The following LAMC3 variants were observed in gnomAD, a reference collection of about 807,000 sequenced individuals.
LAMC3 encodes the protein laminin subunit gamma 3, also known as laminin subunit gamma-3.
LAMC3 carries 128 observed loss-of-function variants against 173.8 expected under a neutral mutation model. The ratio of observed to expected loss-of-function variants is 0.74; its 90% CI spans 0.64 to 0.85. The LOEUF is 0.85. Among genes scored for constraint, LAMC3 ranks in the 40% least tolerant of loss-of-function variants. The pLI is 0.00. For missense variants in LAMC3, 2,022 were observed against 2,156.0 expected (o/e 0.94, Z 1.23); for synonymous variants, 897 against 909.1 (o/e 0.99, Z 0.24).
intron 11 of LAMC3, among the ~76,000 whole-genome samples, chr9:131,054,843 C>A (rs1208686292): frequency 7.7e-6 from 1 of 130,688 alleles, no homozygotes; most frequent in South Asian, 2.4e-4. Context: ...AGGGAGGGAG[C>A]AAGGGAGGGA....
In LAMC3 at chr9:131,032,111, T is replaced by C; in HGVS notation, c.745T>C (p.Phe249Leu). The C allele has an allele frequency of 6.2e-7, 1 of 1,613,990 alleles. No homozygotes were observed. Among genetic ancestry groups the C allele is most frequent in the Non-Finnish European group, 8.5e-7 (1 of 1,179,978 alleles). Reference sequence around the variant, plus strand: ...GCTCAACACGTTTGGGGACGACATCTTCAAGGACCCCAAGGTGCTCCAGTC... The same window carrying C: ...GCTCAACACGTTTGGGGACGACATCCTCAAGGACCCCAAGGTGCTCCAGTC... ...DRLNTFGDDI[F>L]KDPKVLQSYY... Residue 249 changes from phenylalanine (F) to leucine (L), a missense_variant, in exon 3 of 28, where the codon TTC becomes CTC. Physicochemically the swap from Phe to Leu is conservative, Grantham distance 22. Coordinates refer to ENST00000361069, the MANE Select transcript of LAMC3 (RefSeq NM_006059.4).
chr9:131,011,770 A>G (rs573201309), intron 1 of LAMC3, among the ~76,000 whole-genome samples: 2 of 152,240 alleles, frequency 1.3e-5, no homozygotes, highest in South Asian at 2.1e-4. Flanking sequence ...GGGGAGACAC[A>G]GTGCTCCATG....
At chr9:131,089,732 C>T (rs1283418753) in intron 27 of LAMC3, among the ~76,000 whole-genome samples, 2 of 152,112 alleles carry the variant, frequency 1.3e-5, no homozygotes, top group African/African-American at 4.8e-5. Flanking sequence ...AGCAGAAAGT[C>T]ATCAAGATTC....
At position 131,090,365 on chromosome 9, in the gene LAMC3, C is replaced by G. The variant is rs997105955; in HGVS notation, c.4478-1172C>G. Among the ~76,000 whole-genome samples the G allele has an allele frequency of 5.7e-4, 87 of 152,216 alleles. 2 individuals are homozygous for G. The highest frequency in any genetic ancestry group is 4.5e-3 in the Admixed American group (68 of 15,278). On this transcript the variant is annotated intron_variant, in intron 27 of 27. Coordinates refer to ENST00000361069, the MANE Select transcript of LAMC3 (RefSeq NM_006059.4). ...TGGCCCCTTCTCCAGGAGCCCTAGGCAGCCTGGGCAGGTAGAGTGGGGGCT... is the reference window on the plus strand; with the variant it reads ...TGGCCCCTTCTCCAGGAGCCCTAGGGAGCCTGGGCAGGTAGAGTGGGGGCT...
intron 9 of LAMC3, among the ~76,000 whole-genome samples, chr9:131,051,761 C>T (rs1834290250): frequency 6.6e-6 from 1 of 151,824 alleles, no homozygotes; most frequent in Non-Finnish European, 1.5e-5. Flanking sequence ...ACCAACATGG[C>T]ACACCTCTGT....
chr9:131,036,410 C>T lies in LAMC3; in HGVS notation c.976+78C>T, dbSNP rs185733247. 1,374 of 1,541,402 alleles carry T rather than the reference C, an allele frequency of 8.9e-4. 3 individuals are homozygous for T. The highest frequency in any genetic ancestry group is 3.1e-3 in the Admixed American group (175 of 57,194). On this transcript the variant is annotated intron_variant, in intron 4 of 27. Coordinates refer to ENST00000361069, the MANE Select transcript of LAMC3 (RefSeq NM_006059.4). ...CGGGGAAAGGAACTCCCCAAAACGT[C>T]GTGGTGGGGGCTGCTCCTGGGTACG...
At position 131,082,118 on chromosome 9, in the gene LAMC3, A is replaced by G; in HGVS notation, c.3987A>G (p.Thr1329=). The G allele has an allele frequency of 6.2e-7, 1 of 1,613,944 alleles. No individual in the cohort carries two copies. Among genetic ancestry groups the G allele is most frequent in the Non-Finnish European group, 8.5e-7 (1 of 1,179,956 alleles). Residue 1329 remains threonine (T), a synonymous_variant, in exon 24 of 28, where the codon ACA becomes ACG. Transcript: ENST00000361069. ...TQASSSVQAA[T]VTVMGARTLL... ...CTTCCTCATCTGTCCAGGCTGCGAC[A>G]GTGACTGTCATGGGAGCCAGGACTC...
chr9:131,021,485 T>A (rs1833624516), intron 1 of LAMC3, among the ~76,000 whole-genome samples: 1 of 152,110 alleles, frequency 6.6e-6, no homozygotes, highest in Non-Finnish European at 1.5e-5. Context: ...TATATATAAC[T>A]GTGTAGGGAA....
intron 8 of LAMC3, among the ~76,000 whole-genome samples, chr9:131,046,663 T>C (rs1042248762): frequency 1.3e-5 from 2 of 151,524 alleles, no homozygotes; most frequent in East Asian, 1.9e-4. Context: ...CCAGCTGTTT[T>C]GCCCTTAACC....
chr9:131,016,139 A>G (rs1833516433), intron 1 of LAMC3, among the ~76,000 whole-genome samples: 1 of 152,226 alleles, frequency 6.6e-6, no homozygotes, highest in African/African-American at 2.4e-5. Context: ...AAGGGAAAGA[A>G]GCCAGCCAAA....
chr9:131,066,440 G>A (rs1398189420), intron 13 of LAMC3, among the ~76,000 whole-genome samples: 2 of 151,898 alleles, frequency 1.3e-5, no homozygotes, highest in African/African-American at 4.8e-5. Flanking sequence ...GCAGTGAGCC[G>A]AGATCGTACC....
intron 1 of LAMC3, among the ~76,000 whole-genome samples, chr9:131,017,891 T>C (rs1833553675): frequency 6.6e-6 from 1 of 151,610 alleles, no homozygotes; most frequent in African/African-American, 2.4e-5. Flanking sequence ...CCAGGTGTGG[T>C]GGCGTGTGCC....
Position 131,009,435 on chromosome 9 carries a change from G to A in LAMC3, c.221G>A (p.Cys74Tyr), listed in dbSNP as rs1030262551. ...HVGAAGAGAH[C>Y]QRCDAADPQR... ...GGCGCCGCGGGCGCGGGGGCTCATT[G>A]CCAGCGCTGCGACGCCGCCGACCCC... The change falls in exon 1 of 28, where the codon TGC becomes TAC. Residue 74 changes from cysteine to tyrosine, a missense_variant. Coordinates refer to ENST00000361069, the MANE Select transcript of LAMC3 (RefSeq NM_006059.4). The surrounding 1 kb of genome is among the most constrained non-coding windows in gnomAD (Gnocchi z 4.3). 8 of 1,544,520 alleles carry A rather than the reference G, an allele frequency of 5.2e-6. No individual in the cohort carries two copies. The highest frequency in any genetic ancestry group is 7.0e-6 in the Non-Finnish European group (8 of 1,145,912).
intron 7 of LAMC3, among the ~76,000 whole-genome samples, chr9:131,045,212 ACT>A (rs2133266732): frequency 1.0e-5 from 1 of 95,278 alleles, no homozygotes; most frequent in South Asian, 4.5e-4. Context: ...ACAGAACAAG[ACT>A]CTGTCTCAAA....
At chr9:131,075,652 G>A (rs1318908652) in intron 20 of LAMC3, among the ~76,000 whole-genome samples, 179 bp from the exon 21 acceptor site, 1 of 152,062 alleles carries the variant, frequency 6.6e-6, no homozygotes, top group East Asian at 1.9e-4. Flanking sequence ...AGGGCATGGA[G>A]TACCTTTCCT....
chr9:131,062,468 A>AAAG (rs1829848961), intron 13 of LAMC3, among the ~76,000 whole-genome samples: 1 of 152,206 alleles, frequency 6.6e-6, no homozygotes, highest in Non-Finnish European at 1.5e-5. Flanking sequence ...AACCATTTCT[A>AAAG]AGTGCATAAC....
intron 3 of LAMC3, among the ~76,000 whole-genome samples, chr9:131,032,483 T>A (rs1279014840): frequency 2.8e-5 from 4 of 145,330 alleles, no homozygotes; most frequent in Middle Eastern, 3.2e-3. Flanking sequence ...GCTCTCTTTC[T>A]CTCGCTCTCG....
chr9:131,017,419 C>T (rs1049895059), intron 1 of LAMC3, among the ~76,000 whole-genome samples: 3 of 152,082 alleles, frequency 2.0e-5, no homozygotes, highest in Non-Finnish European at 4.4e-5. Context: ...ATGGCAGGGA[C>T]TTTTTGTTAC....
intron 9 of LAMC3, among the ~76,000 whole-genome samples, chr9:131,049,750 A>G (rs1477301076): frequency 1.3e-5 from 2 of 152,130 alleles, no homozygotes; most frequent in African/African-American, 4.8e-5. Flanking sequence ...TGTGTTTCCC[A>G]TCAGCCCCTC....
Sources: allele counts gnomAD v4.1 joint callset (sites outside exome capture counted in the v4.1 genomes callset), GRCh38; gene constraint gnomAD v4.1.1; non-coding constraint Gnocchi (gnomAD v3.1); transcripts MANE v1.5; gene names NCBI Gene and HGNC (gene_info 2026-07-23, HGNC 2026-07-21).